The following NEDD4L variants were observed in gnomAD, a reference collection of about 807,000 sequenced individuals.
NEDD4L encodes the protein NEDD4 like E3 ubiquitin protein ligase.
In NEDD4L, 54 loss-of-function variants were observed where a neutral mutation model predicts 148.9. The observed-to-expected ratio is 0.36, with a 90% CI of 0.29 to 0.45. The LOEUF (loss-of-function observed/expected upper bound fraction) is 0.45. Among genes scored for constraint, NEDD4L ranks in the 20% least tolerant of loss-of-function variants. NEDD4L has a pLI of 1.00. For missense variants in NEDD4L, 856 were observed against 1,233.8 expected (o/e 0.69, Z 4.59); for synonymous variants, 433 against 440.7 (o/e 0.98, Z 0.22).
At chr18:58,369,783 C>G (rs531889516) in intron 22 of NEDD4L, among the ~76,000 whole-genome samples, 39 of 152,324 alleles carry the variant, frequency 2.6e-4, no homozygotes, top group African/African-American at 9.4e-4. Context: ...GCCGACCTCG[C>G]TGCTGTTGCC....
At chr18:58,151,423 C>G (rs1168065646) in intron 1 of NEDD4L, among the ~76,000 whole-genome samples, 1 of 152,122 alleles carries the variant, frequency 6.6e-6, no homozygotes, top group Non-Finnish European at 1.5e-5. Flanking sequence ...TTGGATGTTT[C>G]CTGCATTATG....
chr18:58,109,457 T>C (rs1214508623), intron 1 of NEDD4L, among the ~76,000 whole-genome samples: 1 of 152,014 alleles, frequency 6.6e-6, no homozygotes, highest in Admixed American at 6.6e-5. Context: ...CATGGCATGG[T>C]TGGAAAATAG....
chr18:58,394,187 C>T (rs1338873020), intron 30 of NEDD4L, among the ~76,000 whole-genome samples: 1 of 152,176 alleles, frequency 6.6e-6, no homozygotes. Flanking sequence ...CTGTTCATTC[C>T]GGGGATGGTG....
At chr18:58,072,872 GCACACACACA>G (rs766485355) in intron 1 of NEDD4L, among the ~76,000 whole-genome samples, 51 of 131,608 alleles carry the variant, frequency 3.9e-4, no homozygotes, top group African/African-American at 1.5e-3. Context: ...GCGCGCGCGC[GCACACACACA>G]CACACACACA....
At chr18:58,265,353 G>C (rs2050072547) in intron 5 of NEDD4L, among the ~76,000 whole-genome samples, 2 of 152,040 alleles carry the variant, frequency 1.3e-5, no homozygotes, top group South Asian at 4.1e-4. Context: ...CAAATGTGGA[G>C]TTGGATGAAT....
intron 4 of NEDD4L, among the ~76,000 whole-genome samples, chr18:58,251,537 G>A (rs1448928072): frequency 6.7e-6 from 1 of 149,458 alleles, no homozygotes. Flanking sequence ...CTGTGTGTTT[G>A]TGTGTATGTG....
intron 2 of NEDD4L, among the ~76,000 whole-genome samples, chr18:58,215,175 T>C (rs978646207): frequency 2.6e-5 from 4 of 152,176 alleles, no homozygotes; most frequent in African/African-American, 9.7e-5. Flanking sequence ...GTTGAATTCC[T>C]GGTTCAAAGG....
chr18:58,275,950 G>C lies in NEDD4L; in HGVS notation c.297+23896G>C, dbSNP rs373798224. Among the ~76,000 whole-genome samples the C allele has an allele frequency of 7.9e-5, 12 of 152,174 alleles. No homozygotes were observed. The East Asian group carries it at 1.5e-3, about 20-fold the overall frequency. Reference sequence around the variant, plus strand: ...CCTAAGCGGCTCTGCAGGCCTCTAAGCTTGTCAGTCATCTTTTTGGTGCTG... The same window carrying C: ...CCTAAGCGGCTCTGCAGGCCTCTAACCTTGTCAGTCATCTTTTTGGTGCTG... On this transcript the variant is annotated intron_variant, in intron 5 of 30. Coordinates refer to ENST00000400345, the MANE Select transcript of NEDD4L (RefSeq NM_001144967.3).
intron 5 of NEDD4L, among the ~76,000 whole-genome samples, 196 bp downstream of exon 5, chr18:58,252,250 T>C (rs2048024274): frequency 1.3e-5 from 2 of 152,232 alleles, no homozygotes; most frequent in African/African-American, 2.4e-5. Flanking sequence ...ATAAAAAATG[T>C]ATTTGTATGT....
chr18:58,370,573 A>G, intron 23 of NEDD4L, 106 bp downstream of exon 23: 1 of 746,250 alleles, frequency 1.3e-6, no homozygotes, highest in Non-Finnish European at 2.5e-6. Context: ...TGGGTGTTGC[A>G]TTCCATGTGA....
chr18:58,364,420 CT>C, intron 20 of NEDD4L, 87 bp downstream of exon 20: 1 of 756,100 alleles, frequency 1.3e-6, no homozygotes, highest in Non-Finnish European at 2.2e-6. Flanking sequence ...TTGGTTGTTA[CT>C]TTTATATGAA....
intron 1 of NEDD4L, among the ~76,000 whole-genome samples, chr18:58,059,010 G>A (rs758182281): frequency 9.2e-5 from 14 of 152,162 alleles, no homozygotes; most frequent in Non-Finnish European, 1.8e-4. Context: ...AGGTCAGTTG[G>A]TCAAAGCAAA....
At chr18:58,240,927 A>G (rs2046555288) in intron 2 of NEDD4L, among the ~76,000 whole-genome samples, 1 of 152,074 alleles carries the variant, frequency 6.6e-6, no homozygotes, top group South Asian at 2.1e-4. Flanking sequence ...CTCATGCCTC[A>G]GCTCCCCGAG....
chr18:58,338,607 C>T (rs1185782429), intron 13 of NEDD4L, among the ~76,000 whole-genome samples: 1 of 152,222 alleles, frequency 6.6e-6, no homozygotes, highest in East Asian at 1.9e-4. Context: ...GTGCTATTCA[C>T]TGTGGCTGTA....
chr18:58,341,959 C>T (rs935392147), intron 15 of NEDD4L, among the ~76,000 whole-genome samples, 162 bp downstream of exon 15: 1 of 152,222 alleles, frequency 6.6e-6, no homozygotes, highest in African/African-American at 2.4e-5. Context: ...ACCTGCTTCT[C>T]TGTCTCGCCC....
intron 5 of NEDD4L, among the ~76,000 whole-genome samples, chr18:58,270,066 C>T (rs763408252): frequency 9.2e-5 from 14 of 152,268 alleles, no homozygotes; most frequent in Admixed American, 3.3e-4. Context: ...ATGGCAAGAC[C>T]GGTCTATCCT....
At chr18:58,136,809 G>A (rs917894762) in intron 1 of NEDD4L, among the ~76,000 whole-genome samples, 4 of 151,986 alleles carry the variant, frequency 2.6e-5, no homozygotes, top group African/African-American at 9.7e-5. Flanking sequence ...TCCTTTAAAA[G>A]GTACAATCCA....
chr18:58,387,277 T>G (rs192451131), intron 26 of NEDD4L, among the ~76,000 whole-genome samples, 162 bp from the exon 27 acceptor site: 353 of 152,354 alleles, frequency 2.3e-3, no homozygotes, highest in Admixed American at 7.9e-3. Flanking sequence ...GTGACTGTGC[T>G]GTTTTTACTG....
At chr18:58,127,483 C>T (rs1026541217) in intron 1 of NEDD4L, among the ~76,000 whole-genome samples, 9 of 151,656 alleles carry the variant, frequency 5.9e-5, no homozygotes, top group Non-Finnish European at 1.0e-4. Flanking sequence ...GCGGGAAGAT[C>T]GCTTGAGGCC....
Sources: allele counts gnomAD v4.1 joint callset (sites outside exome capture counted in the v4.1 genomes callset), GRCh38; gene constraint gnomAD v4.1.1; transcripts MANE v1.5; gene names NCBI Gene and HGNC (gene_info 2026-07-23, HGNC 2026-07-21).